Variants in XPO1 observed in about 807,000 individuals in gnomAD.
XPO1 encodes the protein exportin-1.
A neutral mutation model predicts 133.3 loss-of-function variants in XPO1; 5 were observed. The observed-to-expected ratio is 0.04, with a 90% CI of 0.02 to 0.08. XPO1 has a LOEUF of 0.08. Among genes scored for constraint, XPO1 ranks in the 10% least tolerant of loss-of-function variants. XPO1 has a pLI of 1.00. For synonymous variants in XPO1, 419 were observed against 408.2 expected (o/e 1.03, Z -0.32); for missense variants, 506 against 1,267.5 (o/e 0.40, Z 9.12).
chr2:61,495,712 T>C, intron 10 of XPO1, 99 bp from the exon 11 acceptor site: 4 of 1,260,004 alleles, frequency 3.2e-6, no homozygotes, highest in Non-Finnish European at 4.2e-6. Context: ...TATCACTCTG[T>C]CCAGGCTGGA....
chr2:61,526,392 A>C, intron 3 of XPO1, 28 bp downstream of exon 3: 4 of 1,595,678 alleles, frequency 2.5e-6, no homozygotes, highest in Non-Finnish European at 3.4e-6. Flanking sequence ...AAAAGAAATA[A>C]CAGATTTTAA....
intron 19 of XPO1, 88 bp downstream of exon 19, chr2:61,488,067 ATGCTTTAAAT>A (rs1306702609): frequency 1.0e-6 from 1 of 998,904 alleles, no homozygotes; most frequent in East Asian, 2.4e-5. Flanking sequence ...CAAAGTTGAT[ATGCTTTAAAT>A]TAGCAAAATG....
rs1696949331 is a variant in XPO1, at chr2:61,490,926, A to ATTG, written c.1888-151_1888-150insCAA. On this transcript the variant is annotated intron_variant, in intron 16 of 24. Coordinates refer to ENST00000401558, the MANE Select transcript of XPO1 (RefSeq NM_003400.4). ...TCCCAATACTTTGAGAAGCCAAGGC[A>ATTG]GGCCAATCACTTGTGGTCAGGAGTT... 8.2e-5 allele frequency: 80 copies of ATTG among 971,112 alleles called. 1 individual carries two copies. The South Asian group carries it at 1.3e-3, about 16-fold the overall frequency. The allele number at this position is 971,112 out of a possible 1,614,324, so 60.2% of individuals were successfully genotyped here.
At chr2:61,526,573 C>A in intron 2 of XPO1, 52 bp from the exon 3 acceptor site, 1 of 1,378,508 alleles carries the variant, frequency 7.3e-7, no homozygotes, top group South Asian at 1.6e-5. Flanking sequence ...TCTTTTGAAT[C>A]ATTCATTAAA....
chr2:61,525,578 A>T, intron 3 of XPO1: 1 of 1,016,126 alleles, frequency 9.8e-7, no homozygotes, highest in Non-Finnish European at 1.2e-6. Flanking sequence ...AAATCAACTT[A>T]AACATTAGTA....
chr2:61,495,701 G>A, intron 10 of XPO1, 88 bp from the exon 11 acceptor site: 1 of 1,315,720 alleles, frequency 7.6e-7, no homozygotes, highest in Non-Finnish European at 1.0e-6. Flanking sequence ...TTGAGACAAG[G>A]TATCACTCTG....
chr2:61,517,176 C>G (rs2104690303), intron 4 of XPO1, among the ~76,000 whole-genome samples: 1 of 152,266 alleles, frequency 6.6e-6, no homozygotes, highest in South Asian at 2.1e-4. Context: ...GCTGGGATTA[C>G]AGGTGTAAGC....
At chr2:61,525,330 C>T in intron 3 of XPO1, 1 of 986,892 alleles carries the variant, frequency 1.0e-6, no homozygotes, top group Non-Finnish European at 1.2e-6. Flanking sequence ...CACCCCTTTT[C>T]TTCCTATTAC....
At chr2:61,532,825 C>T (rs917938212) in intron 2 of XPO1, among the ~76,000 whole-genome samples, 2 of 147,994 alleles carry the variant, frequency 1.4e-5, no homozygotes, top group Non-Finnish European at 3.0e-5. Context: ...CAGAGCAAGA[C>T]TCCATCTGAA....
chr2:61,527,224 CT>C (rs1698942407), intron 2 of XPO1, among the ~76,000 whole-genome samples: 1 of 148,058 alleles, frequency 6.8e-6, no homozygotes, highest in African/African-American at 2.5e-5. Flanking sequence ...AATCCCAATA[CT>C]TTGGGAGACT....
chr2:61,505,925 TA>T (rs1227120944), intron 4 of XPO1, among the ~76,000 whole-genome samples: 2 of 152,310 alleles, frequency 1.3e-5, no homozygotes, highest in East Asian at 3.9e-4. Flanking sequence ...TCACTACATC[TA>T]ATCAAAAATT....
chr2:61,487,194 A>G (rs929004785), intron 19 of XPO1, among the ~76,000 whole-genome samples: 3 of 152,136 alleles, frequency 2.0e-5, no homozygotes, highest in Non-Finnish European at 2.9e-5. Flanking sequence ...CAAGGAAAAT[A>G]AACACAATGT....
At chr2:61,521,668 C>G (rs1406088748) in intron 4 of XPO1, among the ~76,000 whole-genome samples, 1 of 152,178 alleles carries the variant, frequency 6.6e-6, no homozygotes, top group Non-Finnish European at 1.5e-5. Flanking sequence ...AAGGCATTCC[C>G]AGAACCACAA....
intron 4 of XPO1, among the ~76,000 whole-genome samples, chr2:61,509,749 C>A (rs1265419630): frequency 6.6e-6 from 1 of 152,204 alleles, no homozygotes; most frequent in Non-Finnish European, 1.5e-5. Flanking sequence ...CACTTCTCAT[C>A]CCAAGCATTT....
Position 61,478,895 on chromosome 2 carries a change from T to G in XPO1, c.3141A>C (p.Glu1047Asp). ...EREIALRQADEEKHKRQMSVP... is the reference protein window; with the variant it reads ...EREIALRQADDEKHKRQMSVP... ...CAGACATTTGACGTTTATGTTTCTC[T>G]TCATCAGCCTGCCGTAGGGCTATTT... The change falls in exon 25 of 25, where the codon GAA becomes GAC. Residue 1047 changes from glutamate to aspartate, a missense_variant. Around this residue, in one of 6 missense-constraint regions of XPO1, gnomAD observed 203 missense variants for 365.9 expected, o/e 0.55. Transcript: ENST00000401558. The G allele has an allele frequency of 1.2e-6, 2 of 1,614,206 alleles. No homozygotes were observed. The highest frequency in any genetic ancestry group is 1.7e-6 in the Non-Finnish European group (2 of 1,180,042).
At chr2:61,479,963 C>T (rs1696258446) in intron 24 of XPO1, among the ~76,000 whole-genome samples, 1 of 152,148 alleles carries the variant, frequency 6.6e-6, no homozygotes, top group Admixed American at 6.5e-5. Context: ...CTCCTGGGTT[C>T]AAGTGATTCT....
chr2:61,515,355 G>T (rs568804877), intron 4 of XPO1, among the ~76,000 whole-genome samples: 1 of 152,324 alleles, frequency 6.6e-6, no homozygotes, highest in Non-Finnish European at 1.5e-5. Context: ...CAGCAGAAGT[G>T]ACCCTATTAG....
chr2:61,489,077 G>A (rs1696836069), intron 17 of XPO1, among the ~76,000 whole-genome samples: 1 of 149,720 alleles, frequency 6.7e-6, no homozygotes, highest in East Asian at 2.0e-4. Context: ...ACTCCAGCCT[G>A]GGCGAAAGAG....
chr2:61,496,838 C>CTAAAAT, intron 10 of XPO1, 41 bp downstream of exon 10: 1 of 1,470,798 alleles, frequency 6.8e-7, no homozygotes, highest in Non-Finnish European at 9.0e-7. Context: ...TTCTAAGGCA[C>CTAAAAT]TAAAATTATT....
Sources: allele counts gnomAD v4.1 joint callset (sites outside exome capture counted in the v4.1 genomes callset), GRCh38; gene constraint gnomAD v4.1.1; regional missense constraint gnomAD v4.1.1; transcripts MANE v1.5; gene names NCBI Gene and HGNC (gene_info 2026-07-23, HGNC 2026-07-21).